SEC16A: variants seen among roughly 807,000 people sequenced by gnomAD.
SEC16A encodes the protein SEC16 homolog A, endoplasmic reticulum export factor, also known as protein transport protein Sec16A.
A neutral mutation model predicts 221.9 loss-of-function variants in SEC16A; 110 were observed. That is an observed-to-expected ratio of 0.50 (90% CI 0.42 to 0.58). The LOEUF is 0.58. SEC16A is among the 20% of genes least tolerant of loss of function. The probability of loss-of-function intolerance (pLI) is 0.00; values close to 1 mark genes in which losing one functional copy is unlikely to be tolerated. For synonymous variants in SEC16A, 1,393 were observed against 1,257.7 expected (o/e 1.11, Z -2.28); for missense variants, 3,165 against 3,097.8 (o/e 1.02, Z -0.52).
chr9:136,481,188 G>A (rs1241056687), intron 1 of SEC16A, among the ~76,000 whole-genome samples: 1 of 133,590 alleles, frequency 7.5e-6, no homozygotes, highest in African/African-American at 2.9e-5. Context: ...AGGCTGGAGT[G>A]CAGTGGCGCG....
chr9:136,447,755 C>T lies in SEC16A; in HGVS notation c.6448-75G>A. 4 of 1,545,852 alleles carry T rather than the reference C, an allele frequency of 2.6e-6. No homozygotes were observed. The highest frequency in any genetic ancestry group is 3.6e-6 in the Non-Finnish European group (4 of 1,126,172). On this transcript the variant is annotated intron_variant, in intron 25 of 31. Coordinates refer to ENST00000684901, the MANE Select transcript of SEC16A (RefSeq NM_014866.2). The surrounding 1 kb of genome is among the most constrained non-coding windows in gnomAD (Gnocchi z 5.5). ...ACTGGGATGGCACAGTCAGGAGGCT[C>T]CAAAAGGGGCAACAGCCACCCAAAT... is the stretch of plus-strand genomic sequence containing the variant.
chr9:136,467,194 G>C (rs904349029), intron 5 of SEC16A, 111 bp from the exon 6 acceptor site: 9 of 1,238,100 alleles, frequency 7.3e-6, no homozygotes, highest in Non-Finnish European at 1.0e-5. Flanking sequence ...AGGACTCCTC[G>C]AGAAACCCAG....
chr9:136,442,898 G>C (rs1036995784), intron 31 of SEC16A, among the ~76,000 whole-genome samples: 2 of 152,242 alleles, frequency 1.3e-5, no homozygotes, highest in South Asian at 2.1e-4. Context: ...TTTCTGTCAA[G>C]AAGCTATTAG....
intron 21 of SEC16A, 110 bp downstream of exon 21, chr9:136,453,999 G>A: frequency 9.8e-7 from 1 of 1,023,940 alleles, no homozygotes; most frequent in Non-Finnish European, 1.5e-6. Flanking sequence ...GTTAAGACAA[G>A]TAATGTAAGT....
At chr9:136,462,339 C>T (rs770178706) in intron 12 of SEC16A, among the ~76,000 whole-genome samples, 1 of 152,154 alleles carries the variant, frequency 6.6e-6, no homozygotes, top group Non-Finnish European at 1.5e-5. Context: ...CTATGGACCC[C>T]CCAACCCCAC....
chr9:136,481,754 G>A (rs1189866455), intron 1 of SEC16A, among the ~76,000 whole-genome samples: 2 of 152,122 alleles, frequency 1.3e-5, no homozygotes, highest in Non-Finnish European at 2.9e-5. Flanking sequence ...GTGACGCCCT[G>A]TCAGACTGTG....
chr9:136,445,190 C>T, intron 29 of SEC16A, 79 bp from the exon 30 acceptor site: 1 of 1,275,272 alleles, frequency 7.8e-7, no homozygotes, highest in Non-Finnish European at 1.1e-6. Context: ...GCTGTCAGTT[C>T]CATTTCAAAA....
chr9:136,458,008 G>A (rs542122799), intron 17 of SEC16A, among the ~76,000 whole-genome samples: 1 of 152,186 alleles, frequency 6.6e-6, no homozygotes, highest in South Asian at 2.1e-4. Context: ...CCAGTCTGGA[G>A]TGCAGTGGCA....
intron 1 of SEC16A, among the ~76,000 whole-genome samples, chr9:136,479,715 T>A (rs1444975000): frequency 6.6e-6 from 1 of 152,026 alleles, no homozygotes; most frequent in Non-Finnish European, 1.5e-5. Flanking sequence ...GATATTCAGA[T>A]AAAAGAAGAA....
intron 19 of SEC16A, 111 bp from the exon 20 acceptor site, chr9:136,455,904 C>A: frequency 8.0e-7 from 1 of 1,253,980 alleles, no homozygotes; most frequent in South Asian, 1.5e-5. Flanking sequence ...AGGAGGCACT[C>A]AAAGCCCTTT....
Position 136,476,259 on chromosome 9 carries a change from C to A in SEC16A, c.1357G>T (p.Gly453Cys). The change falls in exon 3 of 32, where the codon GGC becomes TGC. Residue 453 changes from glycine (G) to cysteine (C), a missense_variant. By Grantham distance (159) the Gly-to-Cys change is radical (BLOSUM62 -3). Around this residue, in one of 3 missense-constraint regions of SEC16A, gnomAD observed 2,030 missense variants for 1,923.1 expected, o/e 1.06. Coordinates refer to ENST00000684901, the MANE Select transcript of SEC16A (RefSeq NM_014866.2). Reference sequence around the variant, plus strand: ...TTCTCAACATTCTCATACTGCGAGCCGCTGGCATCCGGCACCCCTGTGCTC... The same window carrying A: ...TTCTCAACATTCTCATACTGCGAGCAGCTGGCATCCGGCACCCCTGTGCTC... Reference protein sequence around the residue: ...TASTGVPDASGSQYENVENLE... With the variant: ...TASTGVPDASCSQYENVENLE... 1 of 1,613,446 alleles carries A rather than the reference C, an allele frequency of 6.2e-7. No individual in the cohort carries two copies. Among genetic ancestry groups the A allele is most frequent in the South Asian group, 1.1e-5 (1 of 91,080 alleles).
Position 136,447,861 on chromosome 9 carries a change from C to A in SEC16A, c.6439G>T (p.Glu2147Ter). The change falls in exon 25 of 32, where the codon GAA becomes TAA. Residue 2147 changes from glutamate (E) to a stop codon, truncating the protein, a stop_gained. Coordinates refer to ENST00000684901, the MANE Select transcript of SEC16A (RefSeq NM_014866.2). LOFTEE classifies it high-confidence loss of function. The surrounding 1 kb of genome is among the most constrained non-coding windows in gnomAD (Gnocchi z 5.5). ...CTAGAATGACAATTTACCTCCTCTT[C>A]TGGCTCATTTAAATTCACCCACTGG... ...KNQWVNLNEP[E>*]EEKKAPPPPP... is the part of the protein sequence containing the mutation. 6.2e-7 allele frequency: 1 copy of A among 1,609,732 alleles called. No homozygotes were observed. The highest frequency in any genetic ancestry group is 2.2e-5 in the East Asian group (1 of 44,852).
In SEC16A at chr9:136,464,712, T is replaced by C. The variant is rs1052216299; in HGVS notation, c.4304-150A>G. 5.9e-6 allele frequency: 4 copies of C among 673,454 alleles called. No homozygotes were observed. In the African/African-American group the frequency reaches 7.1e-5, roughly 12 times the overall value. 41.7% of individuals were successfully genotyped at this position (673,454 alleles called of 1,614,324 possible). ...AAAAGTCGGTAATTGTTTAATATCA[T>C]ACTTAAAAGTAGAACTTCAGCATAC... On this transcript the variant is annotated intron_variant, in intron 8 of 31. Coordinates refer to ENST00000684901, the MANE Select transcript of SEC16A (RefSeq NM_014866.2).
chr9:136,484,387 C>T, upstream of SEC16A: 1 of 1,191,106 alleles, frequency 8.4e-7, no homozygotes, highest in Middle Eastern at 3.8e-4. Flanking sequence ...GGGCACTATC[C>T]TCTGTGCCCT....
At chr9:136,446,105 T>C (rs1289637936) in intron 28 of SEC16A, among the ~76,000 whole-genome samples, 2 of 135,496 alleles carry the variant, frequency 1.5e-5, no homozygotes, top group African/African-American at 5.5e-5. Context: ...TCTGAGCTGG[T>C]TTTTTTTTTT....
At chr9:136,448,973 G>A in intron 23 of SEC16A, 1 of 632,778 alleles carries the variant, frequency 1.6e-6, no homozygotes, top group East Asian at 2.7e-5. Context: ...GAATGTACTT[G>A]GTGCCACAGA....
At chr9:136,473,540 G>A (rs769331775) in intron 3 of SEC16A, among the ~76,000 whole-genome samples, 2 of 152,256 alleles carry the variant, frequency 1.3e-5, no homozygotes, top group Non-Finnish European at 2.9e-5. Context: ...AGCAGCTTGC[G>A]GGACTCCGCC....
chr9:136,448,917 G>A (rs533446138), intron 23 of SEC16A: 2 of 679,018 alleles, frequency 2.9e-6, no homozygotes, highest in South Asian at 3.3e-5. Context: ...TTGGGAAGGT[G>A]AGACAGTTCT....
Position 136,451,978 on chromosome 9 carries a change from A to T in SEC16A, c.6160-570T>A, listed in dbSNP as rs150566374. 1.2e-4 allele frequency among the ~76,000 whole-genome samples: 18 copies of T among 152,288 alleles called. No individual in the cohort carries two copies. In the East Asian group the frequency reaches 3.5e-3, roughly 29 times the overall value. ...GGTTCCAGAATGCGGTCTGTATAAAAGCAACCATCCCTCCTGGTTAGGAGT... is the reference window on the plus strand; with the variant it reads ...GGTTCCAGAATGCGGTCTGTATAAATGCAACCATCCCTCCTGGTTAGGAGT... On this transcript the variant is annotated intron_variant, in intron 22 of 31. Coordinates refer to ENST00000684901, the MANE Select transcript of SEC16A (RefSeq NM_014866.2).
Sources: allele counts gnomAD v4.1 joint callset (sites outside exome capture counted in the v4.1 genomes callset), GRCh38; gene constraint gnomAD v4.1.1; regional missense constraint gnomAD v4.1.1; non-coding constraint Gnocchi (gnomAD v3.1); transcripts MANE v1.5; gene names NCBI Gene and HGNC (gene_info 2026-07-23, HGNC 2026-07-21).